PRKCH: variants seen among roughly 807,000 people sequenced by gnomAD.
PRKCH encodes protein kinase C eta.
In PRKCH, 28 loss-of-function variants were observed where a neutral mutation model predicts 82.5. The ratio of observed to expected loss-of-function variants is 0.34; its 90% CI spans 0.25 to 0.47. PRKCH has a LOEUF of 0.47. Among genes scored for constraint, PRKCH ranks in the 20% least tolerant of loss-of-function variants. The probability of loss-of-function intolerance (pLI) is 1.00; values close to 1 mark genes in which losing one functional copy is unlikely to be tolerated. For missense variants in PRKCH, 705 were observed against 881.8 expected (o/e 0.80, Z 2.54); for synonymous variants, 322 against 327.4 (o/e 0.98, Z 0.18).
chr14:61,386,531 C>G (rs1164196344), intron 1 of PRKCH, among the ~76,000 whole-genome samples: 1 of 152,064 alleles, frequency 6.6e-6, no homozygotes, highest in Non-Finnish European at 1.5e-5. Context: ...TGCTGAGGAG[C>G]TGGGCTTCTG....
rs531034734 is a variant in PRKCH at position 61,424,026 on chromosome 14, T to C, written c.428-19085T>C. 3.9e-5 allele frequency among the ~76,000 whole-genome samples: 6 copies of C among 152,292 alleles called. 1 individual carries two copies. ...GAACTGATGGTTTTATAAGGGGCTC[T>C]TCCCCCTTCACTTCTCCCACATACT... On this transcript the variant is annotated intron_variant, in intron 2 of 13. Transcript: ENST00000332981.
intron 2 of PRKCH, among the ~76,000 whole-genome samples, chr14:61,431,668 A>G (rs1215894806): frequency 6.6e-6 from 1 of 152,230 alleles, no homozygotes; most frequent in African/African-American, 2.4e-5. Context: ...GCTCTGCAAC[A>G]GTATAGCTCT....
chr14:61,440,091 G>A (rs538888371), intron 2 of PRKCH, among the ~76,000 whole-genome samples: 33 of 152,264 alleles, frequency 2.2e-4, no homozygotes, highest in South Asian at 4.1e-4. Context: ...TGCTTTGGCC[G>A]GTATTGAGCT....
chr14:61,232,178 C>G (rs2044750206), intron 1 of PRKCH, among the ~76,000 whole-genome samples: 1 of 152,198 alleles, frequency 6.6e-6, no homozygotes, highest in Non-Finnish European at 1.5e-5. Context: ...TAGAATGGCT[C>G]ACAGAACACA....
rs71114196 is a variant in PRKCH at position 61,207,106 on chromosome 14, C to CAAAAAAAAAAAAAAAAA, written c.-19+19450_-19+19466dup. On this transcript the variant is annotated intron_variant, in intron 1 of 3. Transcript: ENST00000555185. ...GGGCAACCAGAGTGAAACTCCATCT[C>CAAAAAAAAAAAAAAAAA]AAAAAAAAAAAAAAAAAAAAAAAAA... 6.1e-5 allele frequency among the ~76,000 whole-genome samples: 3 copies of CAAAAAAAAAAAAAAAAA among 49,160 alleles called. No individual in the cohort carries two copies. The East Asian group carries it at 2.6e-3, about 42-fold the overall frequency. 32.3% of individuals were successfully genotyped at this position (49,160 alleles called of 152,430 possible). A position where few individuals can be genotyped will look rare whatever the true frequency, so the allele number is the denominator to read the frequency against.
intron 1 of PRKCH, among the ~76,000 whole-genome samples, chr14:61,192,593 T>C (rs998433701): frequency 2.6e-5 from 4 of 152,212 alleles, no homozygotes; most frequent in African/African-American, 9.6e-5. Flanking sequence ...GGCTGCAGTG[T>C]GGCCAGGTGG....
intron 10 of PRKCH, among the ~76,000 whole-genome samples, chr14:61,497,488 T>C (rs1886721726): frequency 6.6e-6 from 1 of 152,212 alleles, no homozygotes; most frequent in Non-Finnish European, 1.5e-5. Flanking sequence ...TGACGGGTAT[T>C]GGTGCCATTT....
At chr14:61,363,072 G>A (rs1334735224) in intron 1 of PRKCH, among the ~76,000 whole-genome samples, 5 of 152,238 alleles carry the variant, frequency 3.3e-5, no homozygotes, top group Non-Finnish European at 7.3e-5. Flanking sequence ...TAAGGGAACA[G>A]CATGAGTGTC....
rs143704456 is a variant in PRKCH, at chr14:61,310,351, C to T, written c.-19+122683C>T. On this transcript the variant is annotated intron_variant, in intron 1 of 3. Transcript: ENST00000555185. ...AAGATACAATGGGGGTACAGGCATT[C>T]GGTAAGTACACCCATTCCAAATAGG... Among the ~76,000 whole-genome samples, 431 of 152,284 alleles carry T rather than the reference C, an allele frequency of 2.8e-3. 1 individual carries two copies. The highest frequency in any genetic ancestry group is 5.0e-3 in the Non-Finnish European group (338 of 68,024).
chr14:61,537,889 T>C (rs2043132774), intron 12 of PRKCH: 1 of 152,290 alleles, frequency 6.6e-6, no homozygotes, highest in African/African-American at 2.4e-5. Flanking sequence ...GAGCATTGTC[T>C]GCAGGAATCC....
intron 1 of PRKCH, chr14:61,280,000 G>T (rs1289675474): frequency 1.8e-6 from 2 of 1,112,760 alleles, no homozygotes; most frequent in Non-Finnish European, 2.5e-6. Flanking sequence ...AGCTAGGCGA[G>T]GTTGGAATTG....
chr14:61,222,477 T>C (rs1012155520), intron 1 of PRKCH, among the ~76,000 whole-genome samples: 12 of 152,212 alleles, frequency 7.9e-5, no homozygotes, highest in African/African-American at 2.7e-4. Context: ...CTTAGAAAGA[T>C]ACAGACTAGA....
chr14:61,481,741 C>G (rs1885982442), intron 9 of PRKCH, among the ~76,000 whole-genome samples: 1 of 152,204 alleles, frequency 6.6e-6, no homozygotes, highest in South Asian at 2.1e-4. Flanking sequence ...CTTTTTTATC[C>G]TTTCTATGCA....
At chr14:61,518,076 G>A (rs1369446104) in intron 10 of PRKCH, among the ~76,000 whole-genome samples, 1 of 152,238 alleles carries the variant, frequency 6.6e-6, no homozygotes, top group Non-Finnish European at 1.5e-5. Context: ...TGGCTTGTTG[G>A]CTGTTTTATG....
rs1257644853 is a variant in PRKCH, at chr14:61,322,412, A to G, written c.311A>G (p.Gln104Arg). ...CACTTCGTGGCCAACTGCACCCTGCAGTTCCAGGAGCTGCTGCGCACGACC... is the reference window on the plus strand; with the variant it reads ...CACTTCGTGGCCAACTGCACCCTGCGGTTCCAGGAGCTGCTGCGCACGACC... ...YDHFVANCTL[Q>R]FQELLRTTGA... The change falls in exon 1 of 14, where the codon CAG becomes CGG. Residue 104 changes from glutamine (Q) to arginine (R), a missense_variant. By Grantham distance (43) the Gln-to-Arg change is conservative. Transcript: ENST00000332981. 1 of 1,604,232 alleles carries G rather than the reference A, an allele frequency of 6.2e-7. No homozygotes were observed. Among genetic ancestry groups the G allele is most frequent in the East Asian group, 2.2e-5 (1 of 44,510 alleles).
At chr14:61,214,005 T>C (rs1594855767) in intron 1 of PRKCH, among the ~76,000 whole-genome samples, 1 of 152,136 alleles carries the variant, frequency 6.6e-6, no homozygotes, top group East Asian at 1.9e-4. Context: ...ATAATCCATA[T>C]AGTCAGGAAT....
At chr14:61,231,425 C>G (rs201621317) in intron 1 of PRKCH, among the ~76,000 whole-genome samples, 1 of 148,432 alleles carries the variant, frequency 6.7e-6, no homozygotes. Flanking sequence ...TGCAGTGGCG[C>G]GATCTCGGCT....
At chr14:61,460,973 C>G (rs192261968) in intron 9 of PRKCH, among the ~76,000 whole-genome samples, 2 of 152,092 alleles carry the variant, frequency 1.3e-5, no homozygotes, top group Non-Finnish European at 2.9e-5. Flanking sequence ...GGTGACAGGA[C>G]GCACTGAAGG....
intron 7 of PRKCH, among the ~76,000 whole-genome samples, chr14:61,455,330 G>A (rs938028318): frequency 1.3e-5 from 2 of 151,640 alleles, no homozygotes; most frequent in Admixed American, 6.6e-5. Context: ...TTGAGCCACC[G>A]CGCCTGGCCT....
Sources: allele counts gnomAD v4.1 joint callset (sites outside exome capture counted in the v4.1 genomes callset), GRCh38; gene constraint gnomAD v4.1.1; transcripts MANE v1.5; gene names NCBI Gene and HGNC (gene_info 2026-07-23, HGNC 2026-07-21).